Variants in LDLRAD4 observed in about 807,000 individuals in gnomAD.
The protein encoded by LDLRAD4 is low density lipoprotein receptor class A domain containing 4, also known as low-density lipoprotein receptor class A domain-containing protein 4.
In LDLRAD4, 5 loss-of-function variants were observed where a neutral mutation model predicts 17.0. That is an observed-to-expected ratio of 0.29 (90% CI 0.15 to 0.62). LDLRAD4 has a LOEUF of 0.62. Among genes scored for constraint, LDLRAD4 ranks in the 20% least tolerant of loss-of-function variants. The pLI is 0.84. For synonymous variants in LDLRAD4, 168 were observed against 171.8 expected, an observed-to-expected ratio of 0.98 and a Z score of 0.17; for missense variants, 340 against 424.7, an observed-to-expected ratio of 0.80 and a Z score of 1.75.
At chr18:13,436,333 A>G (rs780652439) in intron 2 of LDLRAD4, among the ~76,000 whole-genome samples, 3 of 152,216 alleles carry the variant, frequency 2.0e-5, no homozygotes, top group Non-Finnish European at 2.9e-5. Flanking sequence ...TTTCCTTGCA[A>G]GCATGTCGTG....
At chr18:13,417,498 T>C (rs954950004) in intron 2 of LDLRAD4, among the ~76,000 whole-genome samples, 1 of 151,460 alleles carries the variant, frequency 6.6e-6, no homozygotes, top group African/African-American at 2.4e-5. Context: ...AGTGGCGCGA[T>C]CTCGGCTCAC....
At chr18:13,594,353 T>TACTC (rs1307209604) in intron 3 of LDLRAD4, among the ~76,000 whole-genome samples, 1 of 152,132 alleles carries the variant, frequency 6.6e-6, no homozygotes, top group Non-Finnish European at 1.5e-5. Context: ...TGTTTGTGTA[T>TACTC]ACTCATAATA....
chr18:13,582,964 C>T (rs2094884270), intron 3 of LDLRAD4, among the ~76,000 whole-genome samples: 1 of 152,328 alleles, frequency 6.6e-6, no homozygotes. Context: ...GATCTTCCCA[C>T]CTCAGCTTCC....
At chr18:13,580,186 C>T (rs1002960963) in intron 3 of LDLRAD4, among the ~76,000 whole-genome samples, 3 of 152,236 alleles carry the variant, frequency 2.0e-5, no homozygotes, top group Non-Finnish European at 4.4e-5. Flanking sequence ...ACTGTGCACA[C>T]TCCCTGCTCA....
chr18:13,292,293 C>T (rs1032584527), intron 1 of LDLRAD4, among the ~76,000 whole-genome samples: 1 of 152,248 alleles, frequency 6.6e-6, no homozygotes, highest in African/African-American at 2.4e-5. Flanking sequence ...GCTGCTGGCA[C>T]AATGCCTGGG....
chr18:13,578,619 T>A (rs1462869973), intron 3 of LDLRAD4, among the ~76,000 whole-genome samples: 1 of 152,142 alleles, frequency 6.6e-6, no homozygotes. Context: ...ACAGTGGCGA[T>A]CTTATAGAGC....
chr18:13,400,715 A>G (rs8099000), intron 2 of LDLRAD4, among the ~76,000 whole-genome samples: 112,097 of 152,132 alleles, frequency 0.74, 41,426 homozygotes, highest in Admixed American at 0.79. Context: ...ACATTCTTTC[A>G]AAATGCTTTG....
chr18:13,245,334 T>G (rs1484992004), intron 1 of LDLRAD4, among the ~76,000 whole-genome samples: 1 of 152,126 alleles, frequency 6.6e-6, no homozygotes, highest in Non-Finnish European at 1.5e-5. Flanking sequence ...TGTAGTCTTG[T>G]GTTGGATTCA....
chr18:13,406,338 A>G (rs1197939382), intron 2 of LDLRAD4, among the ~76,000 whole-genome samples: 2 of 152,182 alleles, frequency 1.3e-5, no homozygotes, highest in African/African-American at 4.8e-5. Context: ...GTTGTTTGCA[A>G]GTCCTAGAAA....
intron 1 of LDLRAD4, among the ~76,000 whole-genome samples, chr18:13,346,033 C>G (rs367725717): frequency 1.3e-5 from 2 of 152,130 alleles, no homozygotes; most frequent in East Asian, 3.8e-4. Flanking sequence ...AAAACCAGCT[C>G]CTGGATTCAT....
At chr18:13,510,920 A>G (rs1295563693) in intron 3 of LDLRAD4, among the ~76,000 whole-genome samples, 1 of 152,228 alleles carries the variant, frequency 6.6e-6, no homozygotes, top group African/African-American at 2.4e-5. Flanking sequence ...AAAACAAAAC[A>G]GGAAGATAGT....
At chr18:13,383,053 G>C (rs1479256193) in intron 1 of LDLRAD4, among the ~76,000 whole-genome samples, 1 of 152,230 alleles carries the variant, frequency 6.6e-6, no homozygotes, top group African/African-American at 2.4e-5. Flanking sequence ...TGGGGTGGTG[G>C]GAAAACCAGC....
intron 3 of LDLRAD4, among the ~76,000 whole-genome samples, chr18:13,598,446 T>C (rs1362731779): frequency 6.6e-6 from 1 of 152,278 alleles, no homozygotes; most frequent in African/African-American, 2.4e-5. Flanking sequence ...CCTCTATGCC[T>C]GGGGCATAAA....
chr18:13,370,858 G>A (rs1040147864), intron 1 of LDLRAD4, among the ~76,000 whole-genome samples: 3 of 151,584 alleles, frequency 2.0e-5, no homozygotes, highest in African/African-American at 2.4e-5. Flanking sequence ...CTACAGGCGC[G>A]CACCACCACA....
At chr18:13,331,016 G>A (rs2081833613) in intron 1 of LDLRAD4, among the ~76,000 whole-genome samples, 1 of 152,200 alleles carries the variant, frequency 6.6e-6, no homozygotes, top group Non-Finnish European at 1.5e-5. Flanking sequence ...CCATACCTAT[G>A]CATCTCTTCA....
chr18:13,562,307 A>C (rs1343610228), intron 3 of LDLRAD4, among the ~76,000 whole-genome samples: 2 of 152,356 alleles, frequency 1.3e-5, no homozygotes, highest in South Asian at 2.1e-4. Context: ...CAGACTGGCC[A>C]CCTTGAGGCT....
At chr18:13,317,184 A>G (rs2080978931) in intron 1 of LDLRAD4, among the ~76,000 whole-genome samples, 1 of 152,224 alleles carries the variant, frequency 6.6e-6, no homozygotes, top group South Asian at 2.1e-4. Context: ...CACAGTGGTA[A>G]CAGGTGAATT....
At chr18:13,474,648 C>T (rs947921256) in intron 3 of LDLRAD4, among the ~76,000 whole-genome samples, 1 of 152,288 alleles carries the variant, frequency 6.6e-6, no homozygotes, top group African/African-American at 2.4e-5. Context: ...AGTGCCTGGC[C>T]AGAGGGAGAG....
intron 2 of LDLRAD4, among the ~76,000 whole-genome samples, chr18:13,431,571 A>C (rs566294496): frequency 9.5e-4 from 144 of 152,342 alleles, no homozygotes; most frequent in Non-Finnish European, 1.6e-3. Flanking sequence ...TTGGACTTTT[A>C]AGAGCACGTT....
Sources: allele counts gnomAD v4.1 joint callset (sites outside exome capture counted in the v4.1 genomes callset), GRCh38; gene constraint gnomAD v4.1.1; transcripts MANE v1.5; gene names NCBI Gene and HGNC (gene_info 2026-07-23, HGNC 2026-07-21).